DACT2: variants seen among roughly 807,000 people sequenced by gnomAD.
DACT2 encodes dishevelled binding antagonist of beta catenin 2.
DACT2 carries 20 observed loss-of-function variants against 22.2 expected under a neutral mutation model. The ratio of observed to expected loss-of-function variants is 0.90; its 90% CI spans 0.63 to 1.31. The LOEUF (loss-of-function observed/expected upper bound fraction) is 1.31. Among genes scored for constraint, DACT2 ranks in the 50% most tolerant of loss-of-function variants. The probability of loss-of-function intolerance (pLI) is 0.00; values close to 1 mark genes in which losing one functional copy is unlikely to be tolerated. For missense variants in DACT2, 1,048 were observed against 1,061.4 expected, an observed-to-expected ratio of 0.99 and a Z score of 0.18; for synonymous variants, 463 against 479.8, an observed-to-expected ratio of 0.96 and a Z score of 0.46.
exon 6 of DACT2, chr6:168,293,787 A>AG (rs33979593): frequency 0.11 from 79,182 of 691,896 alleles, 4,913 homozygotes; most frequent in African/African-American, 0.16. Context: ...TGGCGGGCAG[A>AG]GGGGGGCCGA....
Position 168,319,439 on chromosome 6 carries a change from G to A in DACT2, c.195C>T (p.His65=). 2.5e-6 allele frequency: 3 copies of A among 1,205,956 alleles called. No individual in the cohort carries two copies. Among genetic ancestry groups the A allele is most frequent in the Admixed American group, 4.4e-5 (1 of 22,626 alleles). The allele number at this position is 1,205,956 out of a possible 1,614,324, so 74.7% of individuals were successfully genotyped here. A position where few individuals can be genotyped will look rare whatever the true frequency, so the allele number is the denominator to read the frequency against. ...CCGCCTCCAGCTGCTGCTCGGGGCC[G>A]TGGAGGCCGTGGGGGCCGCAGGGCG... ...PAAPCGPHGL[H]GPEQQLEAAL... Residue 65 remains histidine, a synonymous_variant, in exon 1 of 4, where the codon CAC becomes CAT. Transcript: ENST00000366795.
intron 4 of DACT2, chr6:168,294,277 C>T (rs1017024045): frequency 8.5e-6 from 6 of 702,142 alleles, no homozygotes; most frequent in Admixed American, 2.0e-5. Flanking sequence ...GAATGCTTGC[C>T]GTTTCACTGG....
At position 168,308,314 on chromosome 6, in the gene DACT2, TG is replaced by T. The variant is rs2114905685; in HGVS notation, c.1442del (p.Pro481HisfsTer7). ...PSPASGHFAHPSFAASLKMGP... is the reference protein window; with the variant it reads ...PSPASGHFAHXSFAASLKMGP... ...CCATTTTCAGGCTGGCAGCAAAGGATGGGTGGGCAAAGTGCCCAGAGGCCGG... is the reference window on the plus strand; with the variant it reads ...CCATTTTCAGGCTGGCAGCAAAGGATGGTGGGCAAAGTGCCCAGAGGCCGG... On this transcript the variant is annotated frameshift_variant, in exon 4 of 4. Coordinates refer to ENST00000366795, the MANE Select transcript of DACT2 (RefSeq NM_214462.5). LOFTEE classifies it low-confidence loss of function (END_TRUNC). 1 of 1,552,164 alleles carries T rather than the reference TG, an allele frequency of 6.4e-7. No individual in the cohort carries two copies. The highest frequency in any genetic ancestry group is 1.4e-5 in the African/African-American group (1 of 73,172).
chr6:168,305,191 T>C (rs546847544), downstream of DACT2, among the ~76,000 whole-genome samples: 99 of 152,332 alleles, frequency 6.5e-4, 1 homozygote, highest in African/African-American at 2.3e-3. Context: ...GGACCCTTCC[T>C]GCCCCCGATG....
chr6:168,307,583 G>T lies in DACT2; in HGVS notation c.2174C>A (p.Ala725Glu), dbSNP rs761233827. The change falls in exon 4 of 4, where the codon GCG becomes GAG. Residue 725 changes from alanine (A) to glutamate (E), a missense_variant. Coordinates refer to ENST00000366795, the MANE Select transcript of DACT2 (RefSeq NM_214462.5). The surrounding 1 kb of genome is among the most constrained non-coding windows in gnomAD (Gnocchi z 5.3). ...GGCCTCCTGGGTCCAGGCCAGCTCC[G>T]CATGCCCGGCCGCCACATAGCCCAG... Reference protein sequence around the residue: ...LALGYVAAGHAELAWTQEAPV... With the variant: ...LALGYVAAGHEELAWTQEAPV... 87 of 1,549,852 alleles carry T rather than the reference G, an allele frequency of 5.6e-5. No individual in the cohort carries two copies. In the East Asian group the frequency reaches 2.0e-3, roughly 36 times the overall value.
rs1269547545 is a variant in DACT2, at chr6:168,307,019, G to A, written c.*413C>T. On this transcript the variant is annotated 3_prime_UTR_variant, in exon 4 of 4. Transcript: ENST00000366795. This position sits in a 1 kb window ranked among gnomAD's most constrained non-coding sequence, Gnocchi z 5.3. Reference sequence around the variant, plus strand: ...ACTCAAATTCAATTTCCAGCTCAGAGTCCTGCAACCGCCTCTTTAAAATGC... The same window carrying A: ...ACTCAAATTCAATTTCCAGCTCAGAATCCTGCAACCGCCTCTTTAAAATGC... 4 of 1,008,620 alleles carry A rather than the reference G, an allele frequency of 4.0e-6. No homozygotes were observed. Among genetic ancestry groups the A allele is most frequent in the Non-Finnish European group, 4.7e-6 (4 of 844,576 alleles). The allele number at this position is 1,008,620 out of a possible 1,614,324, so 62.5% of individuals were successfully genotyped here.
intron 3 of DACT2, among the ~76,000 whole-genome samples, chr6:168,295,979 C>T (rs529057675): frequency 6.6e-6 from 1 of 152,154 alleles, no homozygotes; most frequent in Non-Finnish European, 1.5e-5. Context: ...CAGATCCATC[C>T]ACAGCGGTGA....
In DACT2 at chr6:168,294,602, T is replaced by TAC. The variant is rs1554269720; in HGVS notation, c.730+29_730+30dup. ...GTATATATATATATATATATATATA[T>TAC]ACACATATAAAGAAGAACATCCTTC... On this transcript the variant is annotated intron_variant, in intron 4 of 5. Coordinates refer to the DACT2 transcript ENST00000366796. 274 of 812,700 alleles carry TAC rather than the reference T, an allele frequency of 3.4e-4. 7 individuals carry two copies. Among genetic ancestry groups the TAC allele is most frequent in the South Asian group, 3.2e-3 (134 of 42,312 alleles). The allele number at this position is 812,700 out of a possible 1,614,324, so 50.3% of individuals were successfully genotyped here.
At chr6:168,300,088 G>C (rs1054615713) in intron 3 of DACT2, 2 of 152,264 alleles carry the variant, frequency 1.3e-5, no homozygotes, top group South Asian at 2.1e-4. Flanking sequence ...CCCGTAAGGA[G>C]TGTTGTCCTA....
At chr6:168,316,088 A>G (rs1213557719) in intron 1 of DACT2, among the ~76,000 whole-genome samples, 2 of 152,260 alleles carry the variant, frequency 1.3e-5, no homozygotes, top group Non-Finnish European at 2.9e-5. Flanking sequence ...ATTAAAAAAT[A>G]ATAATAAAAT....
intron 1 of DACT2, among the ~76,000 whole-genome samples, chr6:168,313,109 C>T (rs577290914): frequency 1.8e-4 from 28 of 152,288 alleles, no homozygotes; most frequent in African/African-American, 5.1e-4. Context: ...TGCAGTGGCG[C>T]GAGTTCAGCT....
chr6:168,301,091 C>T (rs1033549299), intron 3 of DACT2, among the ~76,000 whole-genome samples: 7 of 152,196 alleles, frequency 4.6e-5, no homozygotes, highest in Non-Finnish European at 7.3e-5. Context: ...GAAGAGTCTC[C>T]GGTTTTCTTG....
chr6:168,315,607 C>T (rs1461859118), intron 1 of DACT2, among the ~76,000 whole-genome samples: 8 of 152,230 alleles, frequency 5.3e-5, no homozygotes, highest in African/African-American at 1.9e-4. Flanking sequence ...GCACCCTCTA[C>T]TGCACTCTCT....
At chr6:168,303,171 G>A (rs1170997487), downstream of DACT2, among the ~76,000 whole-genome samples, 1 of 152,172 alleles carries the variant, frequency 6.6e-6, no homozygotes, top group Non-Finnish European at 1.5e-5. Context: ...ATGCGCTCCC[G>A]TTTTCCATCA....
intron 1 of DACT2, among the ~76,000 whole-genome samples, chr6:168,319,165 C>T (rs1779583833): frequency 6.6e-6 from 1 of 152,012 alleles, no homozygotes; most frequent in Non-Finnish European, 1.5e-5. Context: ...CAGCCCCGGG[C>T]AGTTTTCAGG....
At chr6:168,305,198 G>A (rs547007827), downstream of DACT2, among the ~76,000 whole-genome samples, 103 of 152,306 alleles carry the variant, frequency 6.8e-4, no homozygotes, top group Middle Eastern at 3.4e-3. Context: ...TCCTGCCCCC[G>A]ATGCAACGGC....
chr6:168,308,029 T>A lies in DACT2; in HGVS notation c.1728A>T (p.Ala576=). The part of the protein sequence containing the change: ...LYPMPVLVPL[A]VAPQESHRTS... ...TCCGGTGGCTCTCCTGCGGGGCCAC[T>A]GCCAAGGGGACGAGGACAGGCATGG... The change falls in exon 4 of 4, where the codon GCA becomes GCT. Residue 576 remains alanine (A), a synonymous_variant. Coordinates refer to ENST00000366795, the MANE Select transcript of DACT2 (RefSeq NM_214462.5). The A allele has an allele frequency of 6.5e-7, 1 of 1,549,862 alleles. No homozygotes were observed. The highest frequency in any genetic ancestry group is 8.7e-7 in the Non-Finnish European group (1 of 1,146,060).
chr6:168,312,834 G>A (rs1779454149), intron 1 of DACT2, among the ~76,000 whole-genome samples: 1 of 152,166 alleles, frequency 6.6e-6, no homozygotes, highest in African/African-American at 2.4e-5. Flanking sequence ...ATCATTACAA[G>A]AGAGAGGCAG....
intron 1 of DACT2, among the ~76,000 whole-genome samples, chr6:168,312,843 A>G (rs1779454447): frequency 6.6e-6 from 1 of 152,192 alleles, no homozygotes; most frequent in Admixed American, 6.5e-5. Flanking sequence ...AGAGAGAGGC[A>G]GGTAGCAATG....
Sources: allele counts gnomAD v4.1 joint callset (sites outside exome capture counted in the v4.1 genomes callset), GRCh38; gene constraint gnomAD v4.1.1; non-coding constraint Gnocchi (gnomAD v3.1); transcripts MANE v1.5; gene names NCBI Gene and HGNC (gene_info 2026-07-23, HGNC 2026-07-21).